The following CNTNAP2 variants were observed in gnomAD, a reference collection of about 807,000 sequenced individuals.
CNTNAP2 encodes the protein contactin-associated protein-like 2.
In CNTNAP2, 98 loss-of-function variants were observed where a neutral mutation model predicts 155.2. The observed-to-expected ratio is 0.63, with a 90% CI of 0.54 to 0.75. CNTNAP2 has a LOEUF of 0.75. Among genes scored for constraint, CNTNAP2 ranks in the 30% least tolerant of loss-of-function variants. CNTNAP2 has a pLI of 0.00. For missense variants in CNTNAP2, 1,727 were observed against 1,688.1 expected, an observed-to-expected ratio of 1.02 and a Z score of -0.40; for synonymous variants, 651 against 631.2, an observed-to-expected ratio of 1.03 and a Z score of -0.47.
At chr7:146,118,898 G>A (rs1276579929) in intron 1 of CNTNAP2, among the ~76,000 whole-genome samples, 1 of 151,878 alleles carries the variant, frequency 6.6e-6, no homozygotes, top group Admixed American at 6.5e-5. Context: ...TTTTTATTTC[G>A]TTTGAATTTA....
intron 13 of CNTNAP2, among the ~76,000 whole-genome samples, chr7:147,857,284 A>G (rs1584993957): frequency 6.6e-6 from 1 of 152,306 alleles, no homozygotes; most frequent in East Asian, 1.9e-4. Flanking sequence ...GTCTCCGTGC[A>G]AGATGTATGT....
chr7:146,454,843 T>C (rs892379081), intron 1 of CNTNAP2, among the ~76,000 whole-genome samples: 1 of 152,068 alleles, frequency 6.6e-6, no homozygotes, highest in Non-Finnish European at 1.5e-5. Context: ...AATAAATACA[T>C]ATATATGTTA....
intron 13 of CNTNAP2, among the ~76,000 whole-genome samples, chr7:147,697,032 C>G (rs545704689): frequency 5.3e-4 from 80 of 151,960 alleles, no homozygotes; most frequent in Non-Finnish European, 8.7e-4. Flanking sequence ...CTTCCTATTT[C>G]TGTAGTTTGA....
At chr7:148,168,034 T>C (rs201815260) in intron 17 of CNTNAP2, among the ~76,000 whole-genome samples, 1 of 152,208 alleles carries the variant, frequency 6.6e-6, no homozygotes, top group Non-Finnish European at 1.5e-5. Context: ...AATATCTCCA[T>C]TCTCAATCAT....
chr7:147,417,872 T>A (rs936894944), intron 10 of CNTNAP2, among the ~76,000 whole-genome samples: 3 of 152,148 alleles, frequency 2.0e-5, no homozygotes, highest in African/African-American at 7.2e-5. Context: ...CTAGAGAAAG[T>A]TTTTTAAGAG....
intron 10 of CNTNAP2, among the ~76,000 whole-genome samples, chr7:147,463,537 T>A (rs1798061818): frequency 6.6e-6 from 1 of 152,206 alleles, no homozygotes; most frequent in Non-Finnish European, 1.5e-5. Flanking sequence ...CCCTGTGTCA[T>A]GTACCTATTA....
At chr7:146,372,442 T>G (rs1795249273) in intron 1 of CNTNAP2, among the ~76,000 whole-genome samples, 1 of 151,824 alleles carries the variant, frequency 6.6e-6, no homozygotes, top group Non-Finnish European at 1.5e-5. Context: ...TCTCTGAGAT[T>G]TGTCTACTTT....
At chr7:146,417,625 C>T (rs1039346321) in intron 1 of CNTNAP2, among the ~76,000 whole-genome samples, 3 of 151,020 alleles carry the variant, frequency 2.0e-5, no homozygotes, top group Non-Finnish European at 2.9e-5. Context: ...TTTTAATCAT[C>T]TCTCTTTTAC....
At chr7:147,861,607 A>T (rs1037879623) in intron 13 of CNTNAP2, among the ~76,000 whole-genome samples, 12 of 152,220 alleles carry the variant, frequency 7.9e-5, no homozygotes, top group African/African-American at 2.9e-4. Flanking sequence ...CAGCCATTGC[A>T]TTATAGAATC....
At chr7:148,283,239 C>CA (rs1199411040) in intron 21 of CNTNAP2, among the ~76,000 whole-genome samples, 3 of 27,962 alleles carry the variant, frequency 1.1e-4, no homozygotes, top group Admixed American at 6.0e-4. Context: ...AACTCTGTCT[C>CA]AAAAAAAAAA....
At chr7:146,678,086 G>A (rs950923057) in intron 1 of CNTNAP2, among the ~76,000 whole-genome samples, 1 of 151,876 alleles carries the variant, frequency 6.6e-6, no homozygotes, top group South Asian at 2.1e-4. Flanking sequence ...GTTTGAGCTG[G>A]AGACTTGCTC....
intron 4 of CNTNAP2, among the ~76,000 whole-genome samples, chr7:147,072,311 A>G (rs1799908215): frequency 6.6e-6 from 1 of 152,114 alleles, no homozygotes; most frequent in Non-Finnish European, 1.5e-5. Flanking sequence ...CTTTTTAGGC[A>G]ATGTTCCTGA....
rs557762054 is a variant in CNTNAP2 at position 146,521,691 on chromosome 7, A to T, written c.98-252580A>T. On this transcript the variant is annotated intron_variant, in intron 1 of 23. Coordinates refer to ENST00000361727, the MANE Select transcript of CNTNAP2 (RefSeq NM_014141.6). ...CATTATTCGCATTTACATTCAACAA[A>T]TATTTAACCTAATCCTTATAATCAT... Among the ~76,000 whole-genome samples, 3 of 152,166 alleles carry T rather than the reference A, an allele frequency of 2.0e-5. No homozygotes were observed. The South Asian group carries it at 6.2e-4, about 32-fold the overall frequency.
intron 18 of CNTNAP2, among the ~76,000 whole-genome samples, chr7:148,196,426 G>A (rs1278127709): frequency 6.6e-6 from 1 of 152,130 alleles, no homozygotes; most frequent in South Asian, 2.1e-4. Flanking sequence ...GAACTCGTCT[G>A]ATCACTAGAA....
intron 1 of CNTNAP2, among the ~76,000 whole-genome samples, chr7:146,772,949 G>C (rs1367947722): frequency 6.6e-6 from 1 of 152,162 alleles, no homozygotes; most frequent in African/African-American, 2.4e-5. Context: ...GGGAAGCAGG[G>C]AGACCACACA....
chr7:148,100,858 C>A (rs10275759), intron 15 of CNTNAP2, among the ~76,000 whole-genome samples: 1 of 151,952 alleles, frequency 6.6e-6, no homozygotes, highest in South Asian at 2.1e-4. Context: ...CTATTCACAA[C>A]AGCAAAGACT....
intron 13 of CNTNAP2, among the ~76,000 whole-genome samples, chr7:147,824,001 G>A (rs1314619581): frequency 1.3e-5 from 2 of 152,098 alleles, no homozygotes; most frequent in African/African-American, 4.8e-5. Flanking sequence ...CAGACATCAA[G>A]GCATTCAGAA....
In CNTNAP2 at chr7:146,131,651, C is replaced by T. The variant is rs148243734; in HGVS notation, c.97+14678C>T. 1.9e-3 allele frequency among the ~76,000 whole-genome samples: 290 copies of T among 152,224 alleles called. 2 individuals are homozygous for T. Among genetic ancestry groups the T allele is most frequent in the African/African-American group, 5.1e-3 (212 of 41,530 alleles). ...AATTTGTAAACTTTCAGCATCTTTGCGGCTTAACTTTGCAACATACTTCAA... is the reference window on the plus strand; with the variant it reads ...AATTTGTAAACTTTCAGCATCTTTGTGGCTTAACTTTGCAACATACTTCAA... On this transcript the variant is annotated intron_variant, in intron 1 of 23. Coordinates refer to ENST00000361727, the MANE Select transcript of CNTNAP2 (RefSeq NM_014141.6).
intron 3 of CNTNAP2, among the ~76,000 whole-genome samples, chr7:146,985,225 A>G (rs1194891439): frequency 6.6e-6 from 1 of 152,140 alleles, no homozygotes; most frequent in African/African-American, 2.4e-5. Context: ...CCAGTTCATT[A>G]CATCAAAAAA....
Sources: allele counts gnomAD v4.1 joint callset (sites outside exome capture counted in the v4.1 genomes callset), GRCh38; gene constraint gnomAD v4.1.1; transcripts MANE v1.5; gene names NCBI Gene and HGNC (gene_info 2026-07-23, HGNC 2026-07-21).